Variants in MAGI1 observed in about 807,000 individuals in gnomAD.
MAGI1 encodes the protein membrane-associated guanylate kinase, WW and PDZ domain-containing protein 1.
In MAGI1, 58 loss-of-function variants were observed where a neutral mutation model predicts 139.9. The ratio of observed to expected loss-of-function variants is 0.41; its 90% confidence interval spans 0.34 to 0.52. MAGI1 has a LOEUF of 0.52. MAGI1 is among the 20% of genes least tolerant of loss of function. The pLI, the probability that MAGI1 is intolerant of heterozygous loss-of-function variation, is 0.12. For synonymous variants in MAGI1, 812 were observed against 737.9 expected (o/e 1.10, Z -1.63); for missense variants, 1,874 against 1,901.6 (o/e 0.99, Z 0.27).
At position 65,849,760 on chromosome 3, in the gene MAGI1, T is replaced by C. The variant is rs1009108274; in HGVS notation, c.313+188236A>G. ...TTTCTTCTACACAATGGTTAGACTG[T>C]GTATTTTTCATCACATCTAACGAAG... On this transcript the variant is annotated intron_variant, in intron 1 of 22. Transcript: ENST00000402939. Among the ~76,000 whole-genome samples, 26 of 152,162 alleles carry C rather than the reference T, an allele frequency of 1.7e-4. 1 individual carries two copies. The highest frequency in any genetic ancestry group is 1.7e-3 in the Admixed American group (26 of 15,280).
chr3:65,483,253 C>A (rs1041056785), intron 3 of MAGI1, among the ~76,000 whole-genome samples: 7 of 152,232 alleles, frequency 4.6e-5, no homozygotes, highest in Admixed American at 2.6e-4. Flanking sequence ...CCTTACCGTG[C>A]AGCAATGGGC....
At chr3:65,624,582 G>A (rs374162570) in intron 1 of MAGI1, among the ~76,000 whole-genome samples, 1 of 152,166 alleles carries the variant, frequency 6.6e-6, no homozygotes, top group East Asian at 1.9e-4. Flanking sequence ...AAAAATTTTG[G>A]AACGGACTAA....
chr3:65,851,484 C>T (rs1486162418), intron 1 of MAGI1, among the ~76,000 whole-genome samples: 2 of 152,040 alleles, frequency 1.3e-5, no homozygotes, highest in East Asian at 1.9e-4. Flanking sequence ...CGCGGTGGCT[C>T]ACGCCTCTAA....
intron 1 of MAGI1, among the ~76,000 whole-genome samples, chr3:65,815,205 C>CT (rs2030659488): frequency 1.3e-5 from 2 of 152,194 alleles, no homozygotes; most frequent in Admixed American, 1.3e-4. Context: ...GTCAAAAAGT[C>CT]TGACAATTCT....
chr3:65,521,508 G>A (rs982416652), intron 2 of MAGI1, among the ~76,000 whole-genome samples: 1 of 152,158 alleles, frequency 6.6e-6, no homozygotes, highest in Non-Finnish European at 1.5e-5. Context: ...ATTAGTTTAT[G>A]AAATATAGAT....
chr3:65,440,274 A>G (rs1403940789), intron 8 of MAGI1, among the ~76,000 whole-genome samples: 2 of 152,160 alleles, frequency 1.3e-5, no homozygotes, highest in Admixed American at 6.6e-5. Flanking sequence ...GGTAAGTCCT[A>G]TTTTTATTCA....
chr3:65,806,551 C>T (rs2040866260), intron 1 of MAGI1, among the ~76,000 whole-genome samples: 1 of 152,124 alleles, frequency 6.6e-6, no homozygotes, highest in Admixed American at 6.5e-5. Flanking sequence ...CATTTTTTGC[C>T]CGTAAGTCTC....
At chr3:65,658,349 T>G (rs370129376) in intron 1 of MAGI1, among the ~76,000 whole-genome samples, 37 of 152,322 alleles carry the variant, frequency 2.4e-4, no homozygotes, top group African/African-American at 8.2e-4. Flanking sequence ...CTGCATTTGC[T>G]ATTCAGAGAA....
intron 12 of MAGI1, among the ~76,000 whole-genome samples, chr3:65,415,011 A>G (rs1575662858): frequency 9.2e-6 from 1 of 108,636 alleles, no homozygotes; most frequent in Non-Finnish European, 2.1e-5. Flanking sequence ...CCTGGGAAAA[A>G]AAAAAAAACA....
rs547644023 is a variant in MAGI1, at chr3:65,762,429, A to G, written c.314-140341T>C. ...TCTCATTACTGCACAGCAGGTGGACAAGTGAAGTACAAAGAATGGGAAGGC... is the reference window on the plus strand; with the variant it reads ...TCTCATTACTGCACAGCAGGTGGACGAGTGAAGTACAAAGAATGGGAAGGC... On this transcript the variant is annotated intron_variant, in intron 1 of 22. Transcript: ENST00000402939. 4.6e-5 allele frequency among the ~76,000 whole-genome samples: 7 copies of G among 152,256 alleles called. No homozygotes were observed. In the South Asian group the frequency reaches 1.5e-3, roughly 32 times the overall value.
intron 1 of MAGI1, among the ~76,000 whole-genome samples, chr3:65,752,809 T>C (rs1231219906): frequency 1.3e-5 from 2 of 152,212 alleles, no homozygotes; most frequent in Non-Finnish European, 1.5e-5. Flanking sequence ...CATCTTATCA[T>C]CTTGGCCTGC....
chr3:65,508,448 TTATTA>T (rs1467960202), intron 2 of MAGI1, among the ~76,000 whole-genome samples: 2 of 152,096 alleles, frequency 1.3e-5, no homozygotes, highest in Non-Finnish European at 1.5e-5. Context: ...GTAGCTTTTA[TTATTA>T]TAAGTTACTT....
intron 1 of MAGI1, among the ~76,000 whole-genome samples, chr3:66,037,405 T>G (rs1293769136): frequency 1.3e-5 from 2 of 152,124 alleles, no homozygotes; most frequent in Admixed American, 6.5e-5. Context: ...AGTGTATGGC[T>G]GAGCCACACG....
chr3:65,892,233 T>C (rs1345271281), intron 1 of MAGI1, among the ~76,000 whole-genome samples: 1 of 152,120 alleles, frequency 6.6e-6, no homozygotes, highest in Non-Finnish European at 1.5e-5. Context: ...AAGCTATTTT[T>C]CTTTAATTAT....
chr3:65,446,742 T>C (rs4234686), intron 7 of MAGI1, among the ~76,000 whole-genome samples: 150,159 of 152,294 alleles, frequency 0.99, 74,065 homozygotes, highest in East Asian at 1. Context: ...ATTCTTTTTT[T>C]GATCAAATTA....
chr3:65,745,938 C>T (rs1213512169), intron 1 of MAGI1, among the ~76,000 whole-genome samples: 2 of 152,200 alleles, frequency 1.3e-5, no homozygotes, highest in Admixed American at 1.3e-4. Context: ...CCATGTTGCC[C>T]AGGCTGGTCT....
At chr3:65,778,567 C>T (rs1388302217) in intron 1 of MAGI1, among the ~76,000 whole-genome samples, 1 of 152,140 alleles carries the variant, frequency 6.6e-6, no homozygotes, top group Non-Finnish European at 1.5e-5. Context: ...TGTCCTCACT[C>T]CACACCCAGA....
rs112802628 is a variant in MAGI1 at position 65,530,856 on chromosome 3, T to C, written c.431-37225A>G. Among the ~76,000 whole-genome samples the C allele has an allele frequency of 1.8e-3, 172 of 94,570 alleles. 3 individuals are homozygous for C. Among genetic ancestry groups the C allele is most frequent in the Middle Eastern group, 5.0e-3 (1 of 202 alleles). 62.0% of individuals were successfully genotyped at this position (94,570 alleles called of 152,430 possible). On this transcript the variant is annotated intron_variant, in intron 2 of 22. Transcript: ENST00000402939. ...ATATATATACACACACACACACACA[T>C]ATATATATATATGGAGAGAGAGAAA...
At chr3:65,947,694 G>A (rs1433556061) in intron 1 of MAGI1, among the ~76,000 whole-genome samples, 1 of 152,098 alleles carries the variant, frequency 6.6e-6, no homozygotes, top group African/African-American at 2.4e-5. Flanking sequence ...ACAGCTCACT[G>A]CAGCTTGGAT....
Sources: allele counts gnomAD v4.1 joint callset (sites outside exome capture counted in the v4.1 genomes callset), GRCh38; gene constraint gnomAD v4.1.1; transcripts MANE v1.5; gene names NCBI Gene and HGNC (gene_info 2026-07-23, HGNC 2026-07-21).